The following MYH1 variants were observed in gnomAD, a reference collection of about 807,000 sequenced individuals.
The protein encoded by MYH1 is myosin heavy chain 1, also known as myosin-1.
A neutral mutation model predicts 225.6 loss-of-function variants in MYH1; 214 were observed. The ratio of observed to expected loss-of-function variants is 0.95; its 90% CI spans 0.85 to 1.06. The LOEUF (loss-of-function observed/expected upper bound fraction) is 1.06. MYH1 is among the 50% of genes least tolerant of loss of function. The pLI is 0.00. For missense variants in MYH1, 2,098 were observed against 2,344.2 expected, an observed-to-expected ratio of 0.89 and a Z score of 2.17; for synonymous variants, 774 against 842.3, an observed-to-expected ratio of 0.92 and a Z score of 1.40.
At chr17:10,509,016 C>T (rs115208005) in intron 15 of MYH1, among the ~76,000 whole-genome samples, 101 of 152,154 alleles carry the variant, frequency 6.6e-4, no homozygotes, top group African/African-American at 2.2e-3. Context: ...ATGAGGATTC[C>T]GATGTTTCAT....
At position 10,516,183 on chromosome 17, in the gene MYH1, G is replaced by T; in HGVS notation, c.348+16C>A. ...TAACTACTCTCATGAGTAGAAGACCGTGAGAAAGAACTCACGTAGATCATC... is the reference window on the plus strand; with the variant it reads ...TAACTACTCTCATGAGTAGAAGACCTTGAGAAAGAACTCACGTAGATCATC... On this transcript the variant is annotated intron_variant, in intron 4 of 39. Coordinates refer to ENST00000226207, the MANE Select transcript of MYH1 (RefSeq NM_005963.4). 6.2e-7 allele frequency: 1 copy of T among 1,614,050 alleles called. No individual in the cohort carries two copies. Among genetic ancestry groups the T allele is most frequent in the African/African-American group, 1.3e-5 (1 of 75,036 alleles).
Position 10,501,239 on chromosome 17 carries a change from A to T in MYH1, c.3609T>A (p.Ser1203Arg), listed in dbSNP as rs778542003. 6.2e-7 allele frequency: 1 copy of T among 1,613,940 alleles called. No homozygotes were observed. Among genetic ancestry groups the T allele is most frequent in the African/African-American group, 1.3e-5 (1 of 74,876 alleles). The stretch of plus-strand genomic sequence containing the variant: ...CAATCTGCTCCCCAAGCTCGGCCAC[A>T]CTATCTGCATGCTTCTTCCTCAGGG... ...AATLRKKHAD[S>R]VAELGEQIDN... The change falls in exon 27 of 40, where the codon AGT becomes AGA. Residue 1203 changes from serine to arginine, a missense_variant. Transcript: ENST00000226207.
At chr17:10,507,368 T>A (rs1018321489) in intron 17 of MYH1, among the ~76,000 whole-genome samples, 1 of 152,180 alleles carries the variant, frequency 6.6e-6, no homozygotes, top group African/African-American at 2.4e-5. Flanking sequence ...TGGCCGTAAT[T>A]TTTTTAAAAG....
Position 10,494,579 on chromosome 17 carries a change from A to G in MYH1, c.5561T>C (p.Leu1854Pro), listed in dbSNP as rs1403570416. Residue 1854 changes from leucine to proline, a missense_variant, in exon 38 of 40, where the codon CTC (leucine) becomes CCC (proline). Transcript: ENST00000226207. Reference sequence around the variant, plus strand: ...GGCCATTTTCCTTACTTGGTAAGTGAGTTCCTTCACTTTTCTCTCATGTTT... The same window carrying G: ...GGCCATTTTCCTTACTTGGTAAGTGGGTTCCTTCACTTTTCTCTCATGTTT... ...LRKHERKVKE[L>P]TYQTEEDRKN... 6.2e-7 allele frequency: 1 copy of G among 1,613,964 alleles called. No homozygotes were observed. The highest frequency in any genetic ancestry group is 1.7e-5 in the Admixed American group (1 of 59,974).
At position 10,496,269 on chromosome 17, in the gene MYH1, T is replaced by A. The variant is rs752770681; in HGVS notation, c.4937A>T (p.Asn1646Ile). The A allele has an allele frequency of 6.2e-7, 1 of 1,614,138 alleles. No homozygotes were observed. The highest frequency in any genetic ancestry group is 1.1e-5 in the South Asian group (1 of 91,070). ...GAGGATGGCTTGGGTGTTCCTATAG[T>A]TCCTCAGGGCCTCAGCAGCCATGCG... is the stretch of plus-strand genomic sequence containing the variant. Reference protein sequence around the residue: ...ANRMAAEALRNYRNTQAILKD... With the variant: ...ANRMAAEALRIYRNTQAILKD... Residue 1646 changes from asparagine (N) to isoleucine (I), a missense_variant, in exon 34 of 40, where the codon AAC becomes ATC. Physicochemically the swap from Asn to Ile is moderately radical, Grantham distance 149. Coordinates refer to ENST00000226207, the MANE Select transcript of MYH1 (RefSeq NM_005963.4).
intron 39 of MYH1, among the ~76,000 whole-genome samples, chr17:10,492,787 A>T (rs1447614577): frequency 6.6e-6 from 1 of 151,708 alleles, no homozygotes; most frequent in African/African-American, 2.4e-5. Context: ...TTGTATCTGA[A>T]CTTTTAGAAC....
At position 10,508,523 on chromosome 17, in the gene MYH1, G is replaced by C; in HGVS notation, c.1737C>G (p.His579Gln). 6.2e-7 allele frequency: 1 copy of C among 1,614,116 alleles called. No individual in the cohort carries two copies. The highest frequency in any genetic ancestry group is 8.5e-7 in the Non-Finnish European group (1 of 1,180,034). The change falls in exon 16 of 40, where the codon CAC becomes CAG. Residue 579 changes from histidine to glutamine, a missense_variant. His to Gln is a conservative substitution (Grantham distance 24). Transcript: ENST00000226207. The part of the protein sequence containing the change: ...PKPAKGKPEA[H>Q]FSLIHYAGTV... The stretch of plus-strand genomic sequence containing the variant: ...TGCCAGCATAGTGAATCAAAGAGAA[G>C]TGGGCCTCAGGCTTGCCTTTGGCAG...
Position 10,501,923 on chromosome 17 carries a change from T to G in MYH1, c.3112-12A>C. ...AAAGATCCTTCAAGCTAAAAGTTAA[T>G]AATCCATGAATATGGTTCTTAGAAT... On this transcript the variant is annotated splice_polypyrimidine_tract_variant and intron_variant, in intron 24 of 39. Coordinates refer to ENST00000226207, the MANE Select transcript of MYH1 (RefSeq NM_005963.4). The G allele has an allele frequency of 6.3e-7, 1 of 1,597,588 alleles. No homozygotes were observed. The highest frequency in any genetic ancestry group is 8.5e-7 in the Non-Finnish European group (1 of 1,175,074).
At chr17:10,511,774 A>G (rs2142276343) in intron 14 of MYH1, 65 bp downstream of exon 14, 4 of 1,609,648 alleles carry the variant, frequency 2.5e-6, no homozygotes, top group Non-Finnish European at 1.7e-6. Context: ...CAGGCATGCT[A>G]TATGACTGCA....
Position 10,516,614 on chromosome 17 carries a change from A to G in MYH1, c.29T>C (p.Phe10Ser), listed in dbSNP as rs1567724048. The change falls in exon 3 of 40, where the codon TTT becomes TCT. Residue 10 changes from phenylalanine to serine, a missense_variant. By Grantham distance (155) the Phe-to-Ser change is radical. Coordinates refer to ENST00000226207, the MANE Select transcript of MYH1 (RefSeq NM_005963.4). MSSDSEMAI[F>S]GEAAPFLRKS... Reference sequence around the variant, plus strand: ...TCGGAGGAAAGGAGCAGCCTCCCCAAAAATGGCCATCTCAGAGTCGGAACT... The same window carrying G: ...TCGGAGGAAAGGAGCAGCCTCCCCAGAAATGGCCATCTCAGAGTCGGAACT... 3 of 1,614,172 alleles carry G rather than the reference A, an allele frequency of 1.9e-6. No homozygotes were observed. The highest frequency in any genetic ancestry group is 8.5e-7 in the Non-Finnish European group (1 of 1,180,020).
chr17:10,505,512 C>A lies in MYH1; in HGVS notation c.2175-1G>T. The A allele has an allele frequency of 6.2e-7, 1 of 1,611,922 alleles. No homozygotes were observed. The highest frequency in any genetic ancestry group is 1.1e-5 in the South Asian group (1 of 90,298). Reference sequence around the variant, plus strand: ...AGCACTTGCATTTAACACCTTGTATCTGTTTAAGCCAGACAAAAAAATGAT... The same window carrying A: ...AGCACTTGCATTTAACACCTTGTATATGTTTAAGCCAGACAAAAAAATGAT... On this transcript the variant is annotated splice_acceptor_variant, in intron 19 of 39. Transcript: ENST00000226207. LOFTEE classifies it high-confidence loss of function.
At chr17:10,498,379 G>T (rs138292483) in intron 30 of MYH1, among the ~76,000 whole-genome samples, 98 of 152,274 alleles carry the variant, frequency 6.4e-4, no homozygotes, top group African/African-American at 2.2e-3. Flanking sequence ...ACTTGATTTT[G>T]TCTGTCTAAT....
chr17:10,509,429 T>G, intron 15 of MYH1, 56 bp downstream of exon 15: 1 of 1,604,526 alleles, frequency 6.2e-7, no homozygotes. Flanking sequence ...ATTTTATGAT[T>G]TTCTTTTAAA....
chr17:10,515,865 C>A, intron 5 of MYH1, 61 bp downstream of exon 5: 1 of 1,610,932 alleles, frequency 6.2e-7, no homozygotes, highest in Non-Finnish European at 8.5e-7. Flanking sequence ...TTTTTTAGTT[C>A]TAATATTTTG....
chr17:10,514,063 T>C lies in MYH1; in HGVS notation c.595A>G (p.Ile199Val), dbSNP rs772898629. The change falls in exon 7 of 40, where the codon ATT becomes GTT. Residue 199 changes from isoleucine to valine, a missense_variant. Ile to Val is a conservative substitution (Grantham distance 29). Coordinates refer to ENST00000226207, the MANE Select transcript of MYH1 (RefSeq NM_005963.4). ...TTCTTCTTCTCCCCAGTAACTGCAATTGTTGCAAAGTACTGGATGACACGC... is the reference window on the plus strand; with the variant it reads ...TTCTTCTTCTCCCCAGTAACTGCAACTGTTGCAAAGTACTGGATGACACGC... ...TKRVIQYFAT[I>V]AVTGEKKKEE... 2 of 1,614,050 alleles carry C rather than the reference T, an allele frequency of 1.2e-6. No individual in the cohort carries two copies. Among genetic ancestry groups the C allele is most frequent in the East Asian group, 2.2e-5 (1 of 44,890 alleles).
At chr17:10,512,300 A>G (rs1381242984) in intron 12 of MYH1, 108 bp from the exon 13 acceptor site, 3 of 1,596,824 alleles carry the variant, frequency 1.9e-6, no homozygotes, top group African/African-American at 1.3e-5. Flanking sequence ...GTGTGGGTAC[A>G]TCTGAGTATG....
At position 10,507,105 on chromosome 17, in the gene MYH1, C is replaced by T. The variant is rs973843746; in HGVS notation, c.1968+781G>A. Among the ~76,000 whole-genome samples, 30 of 152,200 alleles carry T rather than the reference C, an allele frequency of 2.0e-4. 1 individual carries two copies. The highest frequency in any genetic ancestry group is 2.0e-3 in the Admixed American group (30 of 15,288). On this transcript the variant is annotated intron_variant, in intron 17 of 39. Transcript: ENST00000226207. ...TTGAGATGGAGTCTTGCTCTGTCAC[C>T]CAGGCTGGAGTACAGTGACATGATC... is the stretch of plus-strand genomic sequence containing the variant.
At chr17:10,515,874 TG>T (rs910161043) in intron 5 of MYH1, 51 bp downstream of exon 5, 1 of 1,612,922 alleles carries the variant, frequency 6.2e-7, no homozygotes, top group African/African-American at 1.3e-5. Context: ...TCTAATATTT[TG>T]TGATTATGGA....
At chr17:10,507,988 G>A in intron 16 of MYH1, 32 bp from the exon 17 acceptor site, 2 of 1,502,660 alleles carry the variant, frequency 1.3e-6, no homozygotes, top group East Asian at 2.3e-5. Context: ...TCATAGGACA[G>A]CCTTTCTCTG....
Sources: gnomAD v4.1 joint callset for allele counts (sites outside exome capture counted in the v4.1 genomes callset) on GRCh38, gnomAD v4.1.1 for gene constraint, MANE v1.5 for transcripts, NCBI Gene and HGNC (gene_info 2026-07-23, HGNC 2026-07-21) for gene names.